Variants in TSEN2 observed in about 807,000 individuals in gnomAD.
TSEN2 encodes the protein tRNA-splicing endonuclease subunit Sen2.
A neutral mutation model predicts 59.2 loss-of-function variants in TSEN2; 54 were observed. The ratio of observed to expected loss-of-function variants is 0.91; its 90% CI spans 0.73 to 1.14. The LOEUF is 1.14. TSEN2 is among the 50% of genes most tolerant of loss of function. The probability of loss-of-function intolerance (pLI) is 0.00; values close to 1 mark genes in which losing one functional copy is unlikely to be tolerated. For missense variants in TSEN2, 636 were observed against 576.2 expected, an observed-to-expected ratio of 1.10 and a Z score of -1.06; for synonymous variants, 195 against 198.2, an observed-to-expected ratio of 0.98 and a Z score of 0.14.
chr3:12,492,247 G>T, intron 3 of TSEN2, 30 bp downstream of exon 3: 1 of 1,564,204 alleles, frequency 6.4e-7, no homozygotes, highest in South Asian at 1.1e-5. Flanking sequence ...CAGTTCTTTT[G>T]ACAAATTAAT....
chr3:12,485,554 GT>G (rs2052531041), intron 1 of TSEN2, among the ~76,000 whole-genome samples: 1 of 152,168 alleles, frequency 6.6e-6, no homozygotes, highest in Non-Finnish European at 1.5e-5. Context: ...AGACCTTGCT[GT>G]TACCAGTGGT....
At chr3:12,514,123 T>C (rs1270293637) in intron 6 of TSEN2, among the ~76,000 whole-genome samples, 2 of 152,216 alleles carry the variant, frequency 1.3e-5, no homozygotes, top group Non-Finnish European at 2.9e-5. Flanking sequence ...CAAAAGTAAG[T>C]GCTCTGGAGA....
chr3:12,529,450 A>T lies in TSEN2; in HGVS notation c.1137-312A>T, dbSNP rs546424379. ...CACTGCACTCCAGCGTGGGTGATAG[A>T]GCGAGACTCCGTCTCAAAAAAAAAA... is the stretch of plus-strand genomic sequence containing the variant. On this transcript the variant is annotated intron_variant, in intron 9 of 11. Coordinates refer to ENST00000284995, the MANE Select transcript of TSEN2 (RefSeq NM_025265.4). 2.9e-3 allele frequency among the ~76,000 whole-genome samples: 404 copies of T among 139,816 alleles called. 2 individuals are homozygous for T. The highest frequency in any genetic ancestry group is 0.011 in the African/African-American group (388 of 35,880). 91.7% of individuals were successfully genotyped at this position (139,816 alleles called of 152,430 possible).
intron 10 of TSEN2, chr3:12,530,734 C>T: frequency 1.0e-6 from 1 of 985,336 alleles, no homozygotes; most frequent in Non-Finnish European, 1.2e-6. Context: ...TTTTTATGCC[C>T]ATTTTAGGGG....
At position 12,496,665 on chromosome 3, in the gene TSEN2, T is replaced by C. The variant is rs146236006; in HGVS notation, c.308+111T>C. 26 of 1,108,070 alleles carry C rather than the reference T, an allele frequency of 2.3e-5. No homozygotes were observed. The African/African-American group carries it at 3.4e-4, about 14-fold the overall frequency. The allele number at this position is 1,108,070 out of a possible 1,614,324, so 68.6% of individuals were successfully genotyped here. Reference sequence around the variant, plus strand: ...GTCCACACCTTTTTTTCTTTCTGTTTTTGGTAGTAGATGTATCCTTGAAAA... The same window carrying C: ...GTCCACACCTTTTTTTCTTTCTGTTCTTGGTAGTAGATGTATCCTTGAAAA... On this transcript the variant is annotated intron_variant, in intron 4 of 11. Coordinates refer to ENST00000284995, the MANE Select transcript of TSEN2 (RefSeq NM_025265.4).
At chr3:12,536,160 TA>T (rs1011344679), downstream of TSEN2, among the ~76,000 whole-genome samples, 1 of 152,000 alleles carries the variant, frequency 6.6e-6, no homozygotes, top group Admixed American at 6.6e-5. Context: ...TAGCTGGAGG[TA>T]AAGTAGTGAA....
chr3:12,484,062 A>C (rs1208338710), upstream of TSEN2, among the ~76,000 whole-genome samples: 1 of 152,228 alleles, frequency 6.6e-6, no homozygotes, highest in African/African-American at 2.4e-5. Context: ...TGCAGCGTAC[A>C]CAGGTGCGCT....
chr3:12,497,965 C>G (rs2053920962), intron 4 of TSEN2, among the ~76,000 whole-genome samples: 1 of 152,128 alleles, frequency 6.6e-6, no homozygotes. Flanking sequence ...TCCTGGCACC[C>G]CTTGGCATTC....
At chr3:12,515,261 G>T (rs530132204) in intron 6 of TSEN2, among the ~76,000 whole-genome samples, 1 of 152,272 alleles carries the variant, frequency 6.6e-6, no homozygotes, top group African/African-American at 2.4e-5. Context: ...GGTTAGTGGT[G>T]GGGTGGAAGG....
chr3:12,529,054 A>G, intron 9 of TSEN2, 130 bp downstream of exon 9: 1 of 876,576 alleles, frequency 1.1e-6, no homozygotes. Flanking sequence ...TAGATGCTAT[A>G]TGTTCATGCC....
At chr3:12,538,502 C>T (rs1172437200), downstream of TSEN2, among the ~76,000 whole-genome samples, 1 of 151,974 alleles carries the variant, frequency 6.6e-6, no homozygotes, top group African/African-American at 2.4e-5. Context: ...TAATTTGGAA[C>T]TGGGTGTTGG....
chr3:12,515,938 C>T (rs2056026768), intron 6 of TSEN2, among the ~76,000 whole-genome samples: 2 of 151,736 alleles, frequency 1.3e-5, no homozygotes, highest in African/African-American at 4.8e-5. Flanking sequence ...GGGAGAAACT[C>T]CAATGAGCAA....
chr3:12,529,952 C>G (rs1249513222), intron 10 of TSEN2, 79 bp downstream of exon 10: 8 of 1,558,270 alleles, frequency 5.1e-6, no homozygotes, highest in Non-Finnish European at 6.9e-6. Context: ...GTAGTAGAAT[C>G]AAAAAAGTTA....
At position 12,509,282 on chromosome 3, in the gene TSEN2, C is replaced by T. The variant is rs1055284313; in HGVS notation, c.909+4051C>T. On this transcript the variant is annotated intron_variant, in intron 6 of 11. Coordinates refer to ENST00000284995, the MANE Select transcript of TSEN2 (RefSeq NM_025265.4). ...GTGGCGTGATCTCAGCACACTGCAACGTCTGCCTCCCGGGTTCAAGTGATC... is the reference window on the plus strand; with the variant it reads ...GTGGCGTGATCTCAGCACACTGCAATGTCTGCCTCCCGGGTTCAAGTGATC... Among the ~76,000 whole-genome samples the T allele has an allele frequency of 3.3e-5, 5 of 151,228 alleles. No homozygotes were observed. The East Asian group carries it at 7.7e-4, about 23-fold the overall frequency.
chr3:12,524,653 C>A (rs1035765842), intron 8 of TSEN2, among the ~76,000 whole-genome samples: 3 of 152,048 alleles, frequency 2.0e-5, no homozygotes, highest in Admixed American at 1.3e-4. Flanking sequence ...ATTCCACATT[C>A]CAGGTCACAT....
upstream of TSEN2, among the ~76,000 whole-genome samples, chr3:12,483,111 C>A (rs114783860): frequency 2.0e-3 from 301 of 152,328 alleles, 1 homozygote; most frequent in African/African-American, 6.8e-3. Context: ...TGCAGTGGCT[C>A]AAGCCTGTAA....
intron 6 of TSEN2, among the ~76,000 whole-genome samples, chr3:12,508,384 G>C (rs181298564): frequency 1.3e-5 from 2 of 152,158 alleles, no homozygotes; most frequent in Non-Finnish European, 2.9e-5. Flanking sequence ...GGAGCACACC[G>C]TTAAACCTAG....
At chr3:12,505,264 C>T (rs1300954514) in intron 6 of TSEN2, 33 bp downstream of exon 6, 19 of 1,403,538 alleles carry the variant, frequency 1.4e-5, no homozygotes, top group East Asian at 4.6e-5. Context: ...TTTCAGCCAT[C>T]GGTCTCTGGG....
intron 6 of TSEN2, among the ~76,000 whole-genome samples, chr3:12,508,735 A>G (rs2055101672): frequency 6.6e-6 from 1 of 152,232 alleles, no homozygotes; most frequent in African/African-American, 2.4e-5. Context: ...GAAGAGCTAT[A>G]AACTGTATTT....
Sources: allele counts gnomAD v4.1 joint callset (sites outside exome capture counted in the v4.1 genomes callset), GRCh38; gene constraint gnomAD v4.1.1; transcripts MANE v1.5; gene names NCBI Gene and HGNC (gene_info 2026-07-23, HGNC 2026-07-21).